The following DHRSX variants were observed in gnomAD, a reference collection of about 807,000 sequenced individuals.
DHRSX encodes the protein dehydrogenase/reductase X-linked.
Under a neutral mutation model 34.0 loss-of-function variants are expected in DHRSX, and 31 were observed. The ratio of observed to expected loss-of-function variants is 0.91; its 90% confidence interval spans 0.69 to 1.23. The LOEUF (loss-of-function observed/expected upper bound fraction) is 1.23, where lower values mean the gene tolerates loss of function less well. DHRSX is among the 50% of genes most tolerant of loss of function. The pLI is 0.00. For missense variants in DHRSX, 414 were observed against 428.1 expected (o/e 0.97, Z 0.29); for synonymous variants, 201 against 183.8 (o/e 1.09, Z -0.76).
chrX:2,234,808 T>C (rs1253470479), intron 6 of DHRSX, among the ~76,000 whole-genome samples: 1 of 152,232 alleles, frequency 6.6e-6, no homozygotes, highest in Non-Finnish European at 1.5e-5. Context: ...CCTCCCATGT[T>C]CAAGCGATTC....
chrX:2,230,293 T>G (rs958274907), intron 6 of DHRSX, among the ~76,000 whole-genome samples: 2 of 152,220 alleles, frequency 1.3e-5, no homozygotes, highest in African/African-American at 4.8e-5. Context: ...AGCTGTGGGT[T>G]GTGCTAAACT....
chrX:2,459,003 G>A (rs2044355188), intron 1 of DHRSX, among the ~76,000 whole-genome samples: 1 of 152,042 alleles, frequency 6.6e-6, no homozygotes, highest in Non-Finnish European at 1.5e-5. Context: ...ACCAGGTGTG[G>A]TGGTGTGCAC....
chrX:2,220,711 T>G lies in DHRSX; in HGVS notation c.*330A>C. 1 of 305,370 alleles carries G rather than the reference T, an allele frequency of 3.3e-6. No homozygotes were observed. The highest frequency in any genetic ancestry group is 6.0e-6 in the Non-Finnish European group (1 of 166,032). The allele number at this position is 305,370 out of a possible 1,614,324, so 18.9% of individuals were successfully genotyped here. On this transcript the variant is annotated 3_prime_UTR_variant, in exon 7 of 7. Transcript: ENST00000334651. ...AGCCCCTGAAAAGAGAGCATCTCTCTTGGAACTTTTGTACTCAGTTGTATT... is the reference window on the plus strand; with the variant it reads ...AGCCCCTGAAAAGAGAGCATCTCTCGTGGAACTTTTGTACTCAGTTGTATT...
intron 3 of DHRSX, among the ~76,000 whole-genome samples, chrX:2,377,292 C>T (rs1448295559): frequency 6.6e-6 from 1 of 151,720 alleles, no homozygotes; most frequent in Non-Finnish European, 1.5e-5. Context: ...AACTCATTGC[C>T]ATGTAGACTC....
intron 3 of DHRSX, among the ~76,000 whole-genome samples, chrX:2,298,046 A>G (rs1165996411): frequency 2.6e-5 from 4 of 152,072 alleles, no homozygotes; most frequent in Non-Finnish European, 5.9e-5. Flanking sequence ...ATGAGCTACC[A>G]CGCCTAGCCT....
At chrX:2,452,591 T>G (rs1457103142) in intron 1 of DHRSX, among the ~76,000 whole-genome samples, 1 of 151,666 alleles carries the variant, frequency 6.6e-6, no homozygotes, top group Non-Finnish European at 1.5e-5. Context: ...TCCCTAAGCA[T>G]GTGGCCAATG....
At position 2,436,659 on chromosome X, in the gene DHRSX, GT is replaced by G. The variant is rs910166985; in HGVS notation, c.110-11356del. ...CAGGCACGTGCCAGCACATCTGCCA[GT>G]TTTTTTTTTAATCTTTTGTAGAGAC... On this transcript the variant is annotated intron_variant, in intron 1 of 6. Coordinates refer to ENST00000334651, the MANE Select transcript of DHRSX (RefSeq NM_145177.3). 1.7e-3 allele frequency among the ~76,000 whole-genome samples: 252 copies of G among 146,512 alleles called. 1 individual carries two copies. The highest frequency in any genetic ancestry group is 5.8e-3 in the African/African-American group (231 of 40,084).
intron 4 of DHRSX, among the ~76,000 whole-genome samples, chrX:2,269,244 T>C (rs2041516640): frequency 6.6e-6 from 1 of 152,260 alleles, no homozygotes; most frequent in Non-Finnish European, 1.5e-5. Context: ...TATATGCTTG[T>C]ATTAGTGTGT....
intron 3 of DHRSX, among the ~76,000 whole-genome samples, chrX:2,398,655 G>C (rs11507868): frequency 6.8e-6 from 1 of 147,062 alleles, no homozygotes; most frequent in East Asian, 2.0e-4. Context: ...GCAAAGAAAC[G>C]TTAAATGCAT....
chrX:2,313,303 T>TG (rs1308267628), intron 3 of DHRSX, among the ~76,000 whole-genome samples: 63 of 151,588 alleles, frequency 4.2e-4, no homozygotes, highest in Admixed American at 4.1e-3. Flanking sequence ...CCACCGTACC[T>TG]GGCCCAAGAT....
intron 6 of DHRSX, among the ~76,000 whole-genome samples, chrX:2,230,085 ATG>A (rs1265963642): frequency 1.7e-4 from 26 of 152,266 alleles, no homozygotes; most frequent in African/African-American, 1.9e-4. Flanking sequence ...GTATATGTGC[ATG>A]TGTGTCTATG....
At chrX:2,266,340 T>C (rs1200702049) in intron 5 of DHRSX, among the ~76,000 whole-genome samples, 3 of 143,032 alleles carry the variant, frequency 2.1e-5, no homozygotes, top group South Asian at 2.3e-4. Context: ...CAGGGAGCAC[T>C]GTCCCCAGAG....
At chrX:2,480,513 C>A (rs2044752596) in intron 1 of DHRSX, among the ~76,000 whole-genome samples, 1 of 85,512 alleles carries the variant, frequency 1.2e-5, no homozygotes, top group African/African-American at 4.6e-5. Context: ...GAAACCGCAT[C>A]TTTAAAAAAA....
At chrX:2,304,480 TG>T (rs1331236991) in intron 3 of DHRSX, among the ~76,000 whole-genome samples, 2 of 152,188 alleles carry the variant, frequency 1.3e-5, no homozygotes, top group Admixed American at 6.5e-5. Context: ...AGGGGGAGAT[TG>T]GGTCACGGGG....
intron 6 of DHRSX, among the ~76,000 whole-genome samples, chrX:2,224,912 TAC>T (rs745658253): frequency 1.7e-3 from 246 of 141,086 alleles, no homozygotes; most frequent in East Asian, 2.5e-3. Flanking sequence ...CACACACACG[TAC>T]ACACACATTC....
chrX:2,306,611 C>A (rs1288471384), intron 3 of DHRSX, among the ~76,000 whole-genome samples: 1 of 151,978 alleles, frequency 6.6e-6, no homozygotes, highest in African/African-American at 2.4e-5. Context: ...CACCACCACG[C>A]CTGGCTAATT....
chrX:2,357,614 C>T (rs1157770232), intron 3 of DHRSX, among the ~76,000 whole-genome samples: 2 of 151,308 alleles, frequency 1.3e-5, no homozygotes, highest in African/African-American at 2.4e-5. Flanking sequence ...CTACAGAGTC[C>T]TGAATGACAA....
In DHRSX at chrX:2,475,049, C is replaced by T. The variant is rs942379860; in HGVS notation, c.109+25768G>A. Among the ~76,000 whole-genome samples the T allele has an allele frequency of 4.6e-5, 7 of 151,904 alleles. No homozygotes were observed. The East Asian group carries it at 1.2e-3, about 25-fold the overall frequency. ...ACTGCCACCATGTATACACTGAAGA[C>T]ATTCCCTAGGAATGTGGGTGAGGGA... On this transcript the variant is annotated intron_variant, in intron 1 of 6. Transcript: ENST00000334651.
chrX:2,462,207 G>A (rs971682594), intron 1 of DHRSX, among the ~76,000 whole-genome samples: 64 of 149,540 alleles, frequency 4.3e-4, no homozygotes, highest in Non-Finnish European at 7.7e-4. Context: ...AAAGAAAAAA[G>A]TAGCAAGAAA....
Sources: gnomAD v4.1 joint callset for allele counts (sites outside exome capture counted in the v4.1 genomes callset) on GRCh38, gnomAD v4.1.1 for gene constraint, MANE v1.5 for transcripts, NCBI Gene and HGNC (gene_info 2026-07-23, HGNC 2026-07-21) for gene names.